Variants in NRG1 observed in about 807,000 individuals in gnomAD.
NRG1 encodes pro-neuregulin-1, membrane-bound isoform.
A neutral mutation model predicts 63.8 loss-of-function variants in NRG1; 18 were observed. That is an observed-to-expected ratio of 0.28 (90% CI 0.19 to 0.42). The LOEUF (loss-of-function observed/expected upper bound fraction) is 0.42, where lower values mean the gene tolerates loss of function less well. Ranked by LOEUF, NRG1 falls within the 10% of genes least tolerant of loss-of-function variation. The pLI is 1.00. For synonymous variants in NRG1, 302 were observed against 301.3 expected (o/e 1.00, Z -0.02); for missense variants, 762 against 814.7 (o/e 0.94, Z 0.79).
At chr8:32,622,064 T>C (rs1157716031) in intron 5 of NRG1, among the ~76,000 whole-genome samples, 1 of 152,132 alleles carries the variant, frequency 6.6e-6, no homozygotes, top group Non-Finnish European at 1.5e-5. Flanking sequence ...GTGAATGAAA[T>C]GGGAAGAGCA....
chr8:32,166,314 T>C, intron 1 of NRG1, among the ~76,000 whole-genome samples: 1 of 152,164 alleles, frequency 6.6e-6, no homozygotes, highest in East Asian at 1.9e-4. Flanking sequence ...GGAAATAGAA[T>C]CCTGGGTTAG....
intron 1 of NRG1, among the ~76,000 whole-genome samples, chr8:31,775,239 A>G (rs949928104): frequency 6.6e-6 from 1 of 152,262 alleles, no homozygotes; most frequent in Admixed American, 6.5e-5. Flanking sequence ...TGTGGCATAT[A>G]TACCACAGAA....
chr8:32,036,213 A>G (rs1819034288), intron 1 of NRG1, among the ~76,000 whole-genome samples: 1 of 152,160 alleles, frequency 6.6e-6, no homozygotes, highest in African/African-American at 2.4e-5. Context: ...CAGATATGAC[A>G]TTGTAGGTTG....
At chr8:32,330,213 G>T (rs1179841766) in intron 1 of NRG1, among the ~76,000 whole-genome samples, 1 of 152,076 alleles carries the variant, frequency 6.6e-6, no homozygotes, top group African/African-American at 2.4e-5. Context: ...GGTCTTTCCT[G>T]TCAGGTCCAC....
chr8:32,115,309 T>C (rs926317069), intron 1 of NRG1, among the ~76,000 whole-genome samples: 1 of 152,098 alleles, frequency 6.6e-6, no homozygotes, highest in Non-Finnish European at 1.5e-5. Flanking sequence ...TAGATAACTT[T>C]TGACGCCCCA....
chr8:32,233,563 A>ATATATATATATTTTTT (rs34593729), intron 1 of NRG1, among the ~76,000 whole-genome samples: 1 of 67,264 alleles, frequency 1.5e-5, no homozygotes, highest in East Asian at 3.9e-4. Context: ...ATATATATAT[A>ATATATATATATTTTTT]TTTTTTTTTT....
At chr8:32,647,820 G>A (rs544553940) in intron 5 of NRG1, 2 of 1,613,934 alleles carry the variant, frequency 1.2e-6, no homozygotes, top group Admixed American at 3.3e-5. Flanking sequence ...GCTTCCGGCA[G>A]CAGAAGACAT....
At chr8:32,237,400 T>G (rs963600141) in intron 1 of NRG1, among the ~76,000 whole-genome samples, 3 of 152,196 alleles carry the variant, frequency 2.0e-5, no homozygotes, top group African/African-American at 7.2e-5. Flanking sequence ...AGAATTGCTT[T>G]TTTTTTCTGG....
At chr8:32,580,276 G>A (rs1266855849) in intron 1 of NRG1, among the ~76,000 whole-genome samples, 1 of 152,164 alleles carries the variant, frequency 6.6e-6, no homozygotes, top group Non-Finnish European at 1.5e-5. Context: ...ATATTCACAG[G>A]TTCTGGGGAT....
At chr8:32,077,109 G>A (rs531422461) in intron 1 of NRG1, among the ~76,000 whole-genome samples, 5 of 152,288 alleles carry the variant, frequency 3.3e-5, no homozygotes, top group African/African-American at 1.2e-4. Context: ...GCTCACGCCT[G>A]TAATCCCAGC....
intron 1 of NRG1, among the ~76,000 whole-genome samples, chr8:31,883,704 G>A (rs1197350987): frequency 6.6e-6 from 1 of 152,062 alleles, no homozygotes; most frequent in Non-Finnish European, 1.5e-5. Flanking sequence ...TCAGTTGGTT[G>A]GAGGGCATTA....
chr8:32,230,058 T>G (rs1846756919), intron 1 of NRG1, among the ~76,000 whole-genome samples: 1 of 152,034 alleles, frequency 6.6e-6, no homozygotes. Flanking sequence ...GCAATCATAT[T>G]TAGGAGGAAT....
chr8:31,960,777 C>T (rs910945618), intron 1 of NRG1, among the ~76,000 whole-genome samples: 1 of 152,196 alleles, frequency 6.6e-6, no homozygotes, highest in Non-Finnish European at 1.5e-5. Flanking sequence ...TCCTTTCACC[C>T]TCAGGTACAG....
chr8:32,664,160 T>C (rs983550196), intron 5 of NRG1, among the ~76,000 whole-genome samples: 3 of 151,696 alleles, frequency 2.0e-5, no homozygotes, highest in Non-Finnish European at 4.4e-5. Flanking sequence ...GGGTTCAGAG[T>C]AGTAGAATTG....
Position 31,915,005 on chromosome 8 carries a change from C to T in NRG1, c.37+275574C>T, listed in dbSNP as rs536771730. ...TCAGTTATGTATATACTAATAATATCAAAATCATTTGTTTGGGACATTTTT... is the reference window on the plus strand; with the variant it reads ...TCAGTTATGTATATACTAATAATATTAAAATCATTTGTTTGGGACATTTTT... On this transcript the variant is annotated intron_variant, in intron 1 of 10. Transcript: ENST00000519301. Among the ~76,000 whole-genome samples, 8 of 151,950 alleles carry T rather than the reference C, an allele frequency of 5.3e-5. No individual in the cohort carries two copies. The South Asian group carries it at 1.7e-3, about 32-fold the overall frequency.
intron 7 of NRG1, among the ~76,000 whole-genome samples, chr8:32,751,866 G>A (rs1317875010): frequency 6.6e-6 from 1 of 151,302 alleles, no homozygotes; most frequent in African/African-American, 2.5e-5. Flanking sequence ...CTATTCTTCT[G>A]TAATTAACAA....
intron 1 of NRG1, among the ~76,000 whole-genome samples, chr8:31,857,006 C>T (rs1827957193): frequency 6.6e-6 from 1 of 152,184 alleles, no homozygotes; most frequent in Non-Finnish European, 1.5e-5. Flanking sequence ...AGAACCACTG[C>T]TCTCTTCAAA....
chr8:32,629,630 G>A (rs995690056), intron 5 of NRG1, among the ~76,000 whole-genome samples: 5 of 152,102 alleles, frequency 3.3e-5, no homozygotes, highest in Non-Finnish European at 1.5e-5. Context: ...TAGAGAACTT[G>A]TAACATTTTA....
intron 1 of NRG1, among the ~76,000 whole-genome samples, chr8:31,703,584 G>T (rs1810841721): frequency 6.6e-6 from 1 of 152,110 alleles, no homozygotes; most frequent in Admixed American, 6.5e-5. Flanking sequence ...CAAATGTCTT[G>T]CTTAAATGTA....
Sources: gnomAD v4.1 joint callset for allele counts (sites outside exome capture counted in the v4.1 genomes callset) on GRCh38, gnomAD v4.1.1 for gene constraint, MANE v1.5 for transcripts, NCBI Gene and HGNC (gene_info 2026-07-23, HGNC 2026-07-21) for gene names.